The following PLA2G4D variants were observed in gnomAD, a reference collection of about 807,000 sequenced individuals.
PLA2G4D encodes the protein phospholipase A2 group IVD.
In PLA2G4D, 80 loss-of-function variants were observed where a neutral mutation model predicts 94.4. The observed-to-expected ratio is 0.85, with a 90% CI of 0.71 to 1.02. The LOEUF is 1.02. Ranked by LOEUF, PLA2G4D falls within the 50% of genes least tolerant of loss-of-function variation. PLA2G4D has a pLI of 0.00. For synonymous variants in PLA2G4D, 438 were observed against 440.9 expected, an observed-to-expected ratio of 0.99 and a Z score of 0.08; for missense variants, 1,050 against 1,034.7, an observed-to-expected ratio of 1.01 and a Z score of -0.20.
intron 4 of PLA2G4D, 75 bp downstream of exon 4, chr15:42,086,138 G>A: frequency 2.1e-6 from 3 of 1,459,304 alleles, no homozygotes; most frequent in Non-Finnish European, 2.8e-6. Context: ...CCAACAGGTG[G>A]GAGAAATAGC....
chr15:42,078,260 G>A lies in PLA2G4D; in HGVS notation c.1317+1277C>T, dbSNP rs148533646. 2.7e-3 allele frequency among the ~76,000 whole-genome samples: 415 copies of A among 152,336 alleles called. 4 individuals are homozygous for A. Among genetic ancestry groups the A allele is most frequent in the African/African-American group, 9.5e-3 (393 of 41,578 alleles). On this transcript the variant is annotated intron_variant, in intron 13 of 19. Coordinates refer to ENST00000290472, the MANE Select transcript of PLA2G4D (RefSeq NM_178034.4). The stretch of plus-strand genomic sequence containing the variant: ...AAGAATCTCCATGGGTGGAACCCCA[G>A]TTTTGAGGCTCCCTTGCCCTGCAAC...
chr15:42,079,681 G>C lies in PLA2G4D; in HGVS notation c.1173C>G (p.His391Gln). 1 of 1,612,884 alleles carries C rather than the reference G, an allele frequency of 6.2e-7. No homozygotes were observed. The highest frequency in any genetic ancestry group is 8.5e-7 in the Non-Finnish European group (1 of 1,179,550). ...LEGPIRYARE[H>Q]LAKSKLEVFS... ...AGACCTCCAGCTTGCTCTTGGCCAG[G>C]TGCTCCCGGGCGTATCTGATAGGTC... Residue 391 changes from histidine (H) to glutamine (Q), a missense_variant, in exon 13 of 20, where the codon CAC (histidine) becomes CAG (glutamine). Physicochemically the swap from His to Gln is conservative, Grantham distance 24 (BLOSUM62 0). Transcript: ENST00000290472.
intron 13 of PLA2G4D, among the ~76,000 whole-genome samples, chr15:42,075,252 TAA>T (rs1889897590): frequency 6.6e-6 from 1 of 152,264 alleles, no homozygotes; most frequent in Non-Finnish European, 1.5e-5. Context: ...AACCGTGCAT[TAA>T]GTCATTACTG....
chr15:42,069,722 C>G (rs1213835135), intron 19 of PLA2G4D, among the ~76,000 whole-genome samples, 187 bp downstream of exon 19: 4 of 152,178 alleles, frequency 2.6e-5, no homozygotes, highest in African/African-American at 9.7e-5. Context: ...AACAGAGGGC[C>G]TGCAGGGATG....
chr15:42,081,063 A>T lies in PLA2G4D; in HGVS notation c.1028T>A (p.Leu343Ter), dbSNP rs1284965024. The T allele has an allele frequency of 1.2e-6, 2 of 1,614,140 alleles. No homozygotes were observed. Among genetic ancestry groups the T allele is most frequent in the Non-Finnish European group, 1.7e-6 (2 of 1,180,012 alleles). ...TAGGAGGCCCAGCTTCTGCAAGGCC[A>T]ATAGGTGGCCGTAGAGTGAGGTCAT... is the stretch of plus-strand genomic sequence containing the variant. Reference protein sequence around the residue: ...RAMTSLYGHLLALQKLGLLDC... With the variant: ...RAMTSLYGHL Residue 343 changes from leucine (L) to a stop codon, truncating the protein, a stop_gained, in exon 12 of 20, where the codon TTG becomes TAG. Transcript: ENST00000290472. LOFTEE classifies it high-confidence loss of function.
Position 42,067,888 on chromosome 15 carries a change from G to T in PLA2G4D, c.*827C>A, listed in dbSNP as rs539154923. On this transcript the variant is annotated 3_prime_UTR_variant, in exon 20 of 20. Transcript: ENST00000290472. ...GAGAGACTTATGCTTTCTTGTCAGA[G>T]TCAGGAACAAGACAAGATGTCTGCT... The T allele has an allele frequency of 2.6e-5, 4 of 152,328 alleles. No individual in the cohort carries two copies. Among genetic ancestry groups the T allele is most frequent in the Admixed American group, 2.6e-4 (4 of 15,296 alleles). The allele number at this position is 152,328 out of a possible 1,614,324, so 9.4% of individuals were successfully genotyped here.
At chr15:42,074,555 C>T (rs1033053946) in intron 13 of PLA2G4D, among the ~76,000 whole-genome samples, 13 of 152,128 alleles carry the variant, frequency 8.5e-5, no homozygotes, top group African/African-American at 2.9e-4. Flanking sequence ...GTGTATTTTA[C>T]GAGCGGGTTT....
At chr15:42,075,341 T>C (rs1182054557) in intron 13 of PLA2G4D, among the ~76,000 whole-genome samples, 3 of 152,220 alleles carry the variant, frequency 2.0e-5, no homozygotes. Context: ...CCTTGTAAAG[T>C]GAACTGTTAA....
rs367582020 is a variant in PLA2G4D at position 42,087,653 on chromosome 15, C to T, written c.93G>A (p.Ala31=). ...CWQLTVRVLE[A]RNLRWADLLS... ...ACAGGTCAGCCCAGCGCAGGTTCCG[C>T]GCCTCCAGGACCCTCACTGTGAGCT... The change falls in exon 2 of 20, where the codon GCG becomes GCA. Residue 31 remains alanine, a synonymous_variant. Transcript: ENST00000290472. The T allele has an allele frequency of 8.1e-6, 13 of 1,614,070 alleles. No homozygotes were observed. Among genetic ancestry groups the T allele is most frequent in the African/African-American group, 5.3e-5 (4 of 74,942 alleles).
intron 1 of PLA2G4D, among the ~76,000 whole-genome samples, chr15:42,089,727 T>G (rs112154535): frequency 0.076 from 11,579 of 152,016 alleles, 558 homozygotes; most frequent in Middle Eastern, 0.14. Flanking sequence ...ACAAGACAGG[T>G]GAAGGGCAGA....
rs2141098966 is a variant in PLA2G4D, at chr15:42,081,796, C to T, written c.821+1G>A. ...TCCCCACAGATGTGAATGTCCCTTA[C>T]CAGCCCTCTGCCTTGAGCTGCAGCC... On this transcript the variant is annotated splice_donor_variant, in intron 10 of 19. Transcript: ENST00000290472. LOFTEE classifies it high-confidence loss of function. 1 of 1,614,146 alleles carries T rather than the reference C, an allele frequency of 6.2e-7. No homozygotes were observed. Among genetic ancestry groups the T allele is most frequent in the Non-Finnish European group, 8.5e-7 (1 of 1,180,034 alleles).
chr15:42,082,712 G>A (rs1385674273), intron 8 of PLA2G4D, among the ~76,000 whole-genome samples: 2 of 152,102 alleles, frequency 1.3e-5, no homozygotes, highest in East Asian at 3.9e-4. Context: ...TATTTGAGGT[G>A]GGGGTCAAGG....
At position 42,068,938 on chromosome 15, in the gene PLA2G4D, A is replaced by G. The variant is rs747486512; in HGVS notation, c.2234T>C (p.Val745Ala). 2 of 1,608,510 alleles carry G rather than the reference A, an allele frequency of 1.2e-6. No individual in the cohort carries two copies. The highest frequency in any genetic ancestry group is 1.7e-6 in the Non-Finnish European group (2 of 1,178,502). ...ASFKDHSAPG[V>A]QRSPAELQGG... Reference sequence around the variant, plus strand: ...CTGGAGCTCTGCGGGGCTGCGCTGGACACCTGCCCAGGGGTAGGAGGGGTG... The same window carrying G: ...CTGGAGCTCTGCGGGGCTGCGCTGGGCACCTGCCCAGGGGTAGGAGGGGTG... The change falls in exon 20 of 20, where the codon GTC (valine) becomes GCC (alanine). Residue 745 changes from valine to alanine, a missense_variant. Transcript: ENST00000290472.
At chr15:42,085,417 G>C in intron 5 of PLA2G4D, 74 bp downstream of exon 5, 1 of 1,516,880 alleles carries the variant, frequency 6.6e-7, no homozygotes, top group African/African-American at 1.4e-5. Context: ...CTGACCACAG[G>C]GAGATCTGGG....
chr15:42,084,613 G>T lies in PLA2G4D; in HGVS notation c.471+483C>A, dbSNP rs1304971336. Among the ~76,000 whole-genome samples the T allele has an allele frequency of 2.6e-5, 4 of 152,042 alleles. No homozygotes were observed. The highest frequency in any genetic ancestry group is 1.3e-4 in the Admixed American group (2 of 15,268). On this transcript the variant is annotated intron_variant, in intron 6 of 19. Transcript: ENST00000290472. This position sits in a 1 kb window ranked among gnomAD's most constrained non-coding sequence, Gnocchi z 4.8. Reference sequence around the variant, plus strand: ...GCTTCGTGAGCCCGTGGTCAGGAGCGCTGACCAGGACTCTCCCCAGTCCCA... The same window carrying T: ...GCTTCGTGAGCCCGTGGTCAGGAGCTCTGACCAGGACTCTCCCCAGTCCCA...
rs540118114 is a variant in PLA2G4D, at chr15:42,077,942, C to T, written c.1317+1595G>A. On this transcript the variant is annotated intron_variant, in intron 13 of 19. Transcript: ENST00000290472. ...TGAAACAGGGAAGGGCTGAAAGCAC[C>T]TCTCTGTAAGGCATGCTCACCAGTA... Among the ~76,000 whole-genome samples, 5 of 152,368 alleles carry T rather than the reference C, an allele frequency of 3.3e-5. 1 individual carries two copies. The South Asian group carries it at 8.3e-4, about 25-fold the overall frequency.
chr15:42,085,336 C>G (rs1384694002), intron 5 of PLA2G4D, among the ~76,000 whole-genome samples, 155 bp downstream of exon 5: 2 of 152,032 alleles, frequency 1.3e-5, no homozygotes, highest in African/African-American at 4.8e-5. Flanking sequence ...CTCTGTGTTT[C>G]CCTAAGAGAA....
In PLA2G4D at chr15:42,087,665, C is replaced by T. The variant is rs763762509; in HGVS notation, c.81G>A (p.Arg27=). The change falls in exon 2 of 20, where the codon AGG becomes AGA. Residue 27 remains arginine, a synonymous_variant. Transcript: ENST00000290472. ...EASTCWQLTV[R]VLEARNLRWA... The stretch of plus-strand genomic sequence containing the variant: ...AGCGCAGGTTCCGCGCCTCCAGGAC[C>T]CTCACTGTGAGCTGCCAGCAGGTAG... The T allele has an allele frequency of 6.2e-7, 1 of 1,614,048 alleles. No individual in the cohort carries two copies. The highest frequency in any genetic ancestry group is 2.2e-5 in the East Asian group (1 of 44,892).
Position 42,086,194 on chromosome 15 carries a change from T to TGGGGGGGGGGGGCGCC in PLA2G4D, c.387+18_387+19insGGCGCCCCCCCCCCCC. The TGGGGGGGGGGGGCGCC allele has an allele frequency of 2.2e-6, 3 of 1,370,438 alleles. No individual in the cohort carries two copies. Among genetic ancestry groups the TGGGGGGGGGGGGCGCC allele is most frequent in the South Asian group, 1.5e-5 (1 of 66,866 alleles). The allele number at this position is 1,370,438 out of a possible 1,614,324, so 84.9% of individuals were successfully genotyped here. A position where few individuals can be genotyped will look rare whatever the true frequency, so the allele number is the denominator to read the frequency against. On this transcript the variant is annotated intron_variant, in intron 4 of 19. Coordinates refer to ENST00000290472, the MANE Select transcript of PLA2G4D (RefSeq NM_178034.4). The stretch of plus-strand genomic sequence containing the variant: ...GGAAGAAGTGGGGCCCACGGGGACT[T>TGGGGGGGGGGGGCGCC]CCCCACCCACCCACCCACCTGGGGA...
Sources: gnomAD v4.1 joint callset for allele counts (sites outside exome capture counted in the v4.1 genomes callset) on GRCh38, gnomAD v4.1.1 for gene constraint, Gnocchi (gnomAD v3.1) non-coding constraint, MANE v1.5 for transcripts, NCBI Gene and HGNC (gene_info 2026-07-23, HGNC 2026-07-21) for gene names.